EXD3: variants seen among roughly 807,000 people sequenced by gnomAD.
EXD3 encodes exonuclease 3'-5' domain containing 3.
A neutral mutation model predicts 98.0 loss-of-function variants in EXD3; 92 were observed. The observed-to-expected ratio is 0.94, with a 90% CI of 0.79 to 1.12. The LOEUF is 1.12. EXD3 is among the 50% of genes most tolerant of loss of function. The pLI, the probability that EXD3 is intolerant of heterozygous loss-of-function variation, is 0.00. For synonymous variants in EXD3, 569 were observed against 526.0 expected, an observed-to-expected ratio of 1.08 and a Z score of -1.12; for missense variants, 1,222 against 1,191.6, an observed-to-expected ratio of 1.03 and a Z score of -0.38.
chr9:137,330,970 A>G (rs1440063172), intron 17 of EXD3, among the ~76,000 whole-genome samples: 3 of 152,206 alleles, frequency 2.0e-5, no homozygotes, highest in Non-Finnish European at 4.4e-5. Flanking sequence ...TCGTGTTAAC[A>G]TTCTGGAAGA....
intron 1 of EXD3, 45 bp downstream of exon 1, chr9:137,423,069 G>A (rs1222322435): frequency 1.3e-5 from 2 of 151,668 alleles, no homozygotes; most frequent in African/African-American, 4.8e-5. Context: ...TCTGCCCCCG[G>A]CGCCCAGACC....
rs1214502211 is a variant in EXD3, at chr9:137,366,639, G to A, written c.517-7C>T. 2 of 1,556,700 alleles carry A rather than the reference G, an allele frequency of 1.3e-6. No homozygotes were observed. The highest frequency in any genetic ancestry group is 1.7e-6 in the Non-Finnish European group (2 of 1,151,306). On this transcript the variant is annotated splice_polypyrimidine_tract_variant and splice_region_variant and intron_variant, in intron 6 of 21. Transcript: ENST00000340951. Reference sequence around the variant, plus strand: ...GGAGCAGTGGGATGCTCATCTGCAGGGGGACACACGGTCAGGCCACAGCCT... The same window carrying A: ...GGAGCAGTGGGATGCTCATCTGCAGAGGGACACACGGTCAGGCCACAGCCT...
chr9:137,417,161 C>G (rs1838273490), intron 1 of EXD3, among the ~76,000 whole-genome samples: 1 of 152,188 alleles, frequency 6.6e-6, no homozygotes, highest in African/African-American at 2.4e-5. Flanking sequence ...GCCCACCAGA[C>G]GCCGGGGGAG....
intron 5 of EXD3, among the ~76,000 whole-genome samples, chr9:137,372,436 C>G (rs1835673388): frequency 6.6e-6 from 1 of 152,216 alleles, no homozygotes; most frequent in Non-Finnish European, 1.5e-5. Context: ...GCGTTTCCTT[C>G]CAGGGCGCTC....
At chr9:137,317,793 G>A (rs955863955) in intron 19 of EXD3, among the ~76,000 whole-genome samples, 6 of 152,270 alleles carry the variant, frequency 3.9e-5, no homozygotes, top group Middle Eastern at 3.4e-3. Flanking sequence ...AGGCCCACCC[G>A]CTGCTGAAAC....
intron 2 of EXD3, among the ~76,000 whole-genome samples, chr9:137,384,620 G>A (rs907907998): frequency 2.0e-5 from 3 of 152,218 alleles, no homozygotes; most frequent in Non-Finnish European, 4.4e-5. Flanking sequence ...CCGACAATGT[G>A]ATTGATTACA....
At chr9:137,314,706 T>C (rs1831549593) in intron 19 of EXD3, among the ~76,000 whole-genome samples, 1 of 151,606 alleles carries the variant, frequency 6.6e-6, no homozygotes, top group East Asian at 2.0e-4. Context: ...GCCAGGACAA[T>C]GTCTCCACAG....
At chr9:137,344,556 G>A (rs1312591109) in intron 17 of EXD3, among the ~76,000 whole-genome samples, 2 of 152,162 alleles carry the variant, frequency 1.3e-5, no homozygotes, top group South Asian at 2.1e-4. Context: ...GTTTGCTTTC[G>A]AAGACTGTTT....
At chr9:137,340,744 C>T (rs1183682309) in intron 17 of EXD3, among the ~76,000 whole-genome samples, 1 of 152,026 alleles carries the variant, frequency 6.6e-6, no homozygotes, top group East Asian at 1.9e-4. Flanking sequence ...GTCTCAAACT[C>T]CTGGGCTCAA....
intron 17 of EXD3, among the ~76,000 whole-genome samples, chr9:137,346,264 A>AAAAAAAAAAAAAAAAAAAAAAAC (rs1833925378): frequency 6.7e-6 from 1 of 149,826 alleles, no homozygotes; most frequent in Non-Finnish European, 1.5e-5. Flanking sequence ...AAAAAAAAAA[A>AAAAAAAAAAAAAAAAAAAAAAAC]AAATTCACTC....
rs1462359748 is a variant in EXD3 at position 137,347,659 on chromosome 9, G to A, written c.1998+412C>T. Among the ~76,000 whole-genome samples, 1 of 151,864 alleles carries A rather than the reference G, an allele frequency of 6.6e-6. No individual in the cohort carries two copies. Among genetic ancestry groups the A allele is most frequent in the Non-Finnish European group, 1.5e-5 (1 of 67,972 alleles). On this transcript the variant is annotated intron_variant, in intron 17 of 21. Transcript: ENST00000340951. This position sits in a 1 kb window ranked among gnomAD's most constrained non-coding sequence, Gnocchi z 4.2. Reference sequence around the variant, plus strand: ...GGGTTTCACCATATTGGTCAGGCTGGTCTCCAACTCCTGGCCTCAAGTGAT... The same window carrying A: ...GGGTTTCACCATATTGGTCAGGCTGATCTCCAACTCCTGGCCTCAAGTGAT...
chr9:137,368,331 T>G (rs1313431664), intron 5 of EXD3, among the ~76,000 whole-genome samples: 1 of 151,822 alleles, frequency 6.6e-6, no homozygotes, highest in Non-Finnish European at 1.5e-5. Flanking sequence ...GGAGGTGGGG[T>G]CAAGGCAAGG....
At chr9:137,411,082 C>T (rs920051380) in intron 1 of EXD3, among the ~76,000 whole-genome samples, 5 of 152,294 alleles carry the variant, frequency 3.3e-5, no homozygotes, top group Middle Eastern at 3.4e-3. Context: ...TAGGCTGGCA[C>T]CTCTAGGGCC....
chr9:137,417,117 C>T (rs1044835550), intron 1 of EXD3, among the ~76,000 whole-genome samples: 1 of 152,162 alleles, frequency 6.6e-6, no homozygotes, highest in Non-Finnish European at 1.5e-5. Flanking sequence ...AAAGCCGGGG[C>T]CGCGTTGCGG....
intron 21 of EXD3, 73 bp from the exon 22 acceptor site, chr9:137,307,336 G>A (rs1831099023): frequency 7.0e-7 from 1 of 1,437,164 alleles, no homozygotes; most frequent in East Asian, 2.5e-5. Flanking sequence ...CCAGAGTGGT[G>A]CAGTTGGCGG....
rs187488712 is a variant in EXD3 at position 137,371,335 on chromosome 9, C to A, written c.462+1570G>T. Among the ~76,000 whole-genome samples, 2 of 152,306 alleles carry A rather than the reference C, an allele frequency of 1.3e-5. No individual in the cohort carries two copies. Among genetic ancestry groups the A allele is most frequent in the Admixed American group, 1.3e-4 (2 of 15,310 alleles). ...GCTTCTCAGCGCCATGCACCCGCCG[C>A]GAGACGACGGCCCCGGGCGTGGCAG... On this transcript the variant is annotated intron_variant, in intron 5 of 21. Coordinates refer to ENST00000340951, the MANE Select transcript of EXD3 (RefSeq NM_017820.5). The surrounding 1 kb of genome is among the most constrained non-coding windows in gnomAD (Gnocchi z 8.0).
At chr9:137,402,361 G>A (rs1488229793) in intron 1 of EXD3, among the ~76,000 whole-genome samples, 1 of 152,124 alleles carries the variant, frequency 6.6e-6, no homozygotes, top group Non-Finnish European at 1.5e-5. Flanking sequence ...ATGCTTTGCT[G>A]CTTAGAGATT....
At chr9:137,394,113 G>A (rs531471882) in intron 2 of EXD3, among the ~76,000 whole-genome samples, 1 of 150,664 alleles carries the variant, frequency 6.6e-6, no homozygotes, top group African/African-American at 2.4e-5. Flanking sequence ...CTTCCCAGCC[G>A]CCGCTTCCCT....
At position 137,356,272 on chromosome 9, in the gene EXD3, G is replaced by T. The variant is rs775374361; in HGVS notation, c.753C>A (p.Ala251=). ...GAATGTGGGGGCTGGACTCACCTGG[G>T]GCTACGCCGTACCGCTCCTGCAGAC... ...VLRLQERYGV[A]PALCPNAAIQ... is the part of the protein sequence containing the mutation. Residue 251 remains alanine, a synonymous_variant, in exon 8 of 22, where the codon GCC becomes GCA. Transcript: ENST00000340951. 2 of 1,597,436 alleles carry T rather than the reference G, an allele frequency of 1.3e-6. No homozygotes were observed. The highest frequency in any genetic ancestry group is 1.3e-5 in the African/African-American group (1 of 74,678).
Sources: gnomAD v4.1 joint callset for allele counts (sites outside exome capture counted in the v4.1 genomes callset) on GRCh38, gnomAD v4.1.1 for gene constraint, Gnocchi (gnomAD v3.1) non-coding constraint, MANE v1.5 for transcripts, NCBI Gene and HGNC (gene_info 2026-07-23, HGNC 2026-07-21) for gene names.